Variants in GRIN2A observed in about 807,000 individuals in gnomAD.
GRIN2A encodes glutamate receptor ionotropic, NMDA 2A.
A neutral mutation model predicts 113.4 loss-of-function variants in GRIN2A; 22 were observed. The ratio of observed to expected loss-of-function variants is 0.19; its 90% CI spans 0.14 to 0.28. The LOEUF is 0.28. Ranked by LOEUF, GRIN2A falls within the 10% of genes least tolerant of loss-of-function variation. The pLI, the probability that GRIN2A is intolerant of heterozygous loss-of-function variation, is 1.00. For synonymous variants in GRIN2A, 827 were observed against 738.4 expected, an observed-to-expected ratio of 1.12 and a Z score of -1.94; for missense variants, 1,502 against 1,887.0, an observed-to-expected ratio of 0.80 and a Z score of 3.78.
At chr16:10,140,292 G>A (rs371442750) in intron 2 of GRIN2A, among the ~76,000 whole-genome samples, 2 of 151,896 alleles carry the variant, frequency 1.3e-5, no homozygotes, top group Non-Finnish European at 1.5e-5. Flanking sequence ...ATACCATGAC[G>A]ATAAAAAGCC....
chr16:10,113,715 C>A (rs1039986644), intron 2 of GRIN2A, among the ~76,000 whole-genome samples: 1 of 152,066 alleles, frequency 6.6e-6, no homozygotes, highest in Non-Finnish European at 1.5e-5. Flanking sequence ...TGTATAAATA[C>A]AGATACATAC....
At chr16:10,079,989 A>G (rs2047948435) in intron 2 of GRIN2A, among the ~76,000 whole-genome samples, 1 of 152,236 alleles carries the variant, frequency 6.6e-6, no homozygotes, top group South Asian at 2.1e-4. Context: ...TGCTGCTCTC[A>G]GCGAGCAAAT....
chr16:9,828,209 G>T (rs2042423280), intron 9 of GRIN2A, among the ~76,000 whole-genome samples: 1 of 152,182 alleles, frequency 6.6e-6, no homozygotes, highest in Non-Finnish European at 1.5e-5. Context: ...GGAGCAAGAG[G>T]AAGGAAACGT....
Position 10,180,354 on chromosome 16 carries a change from C to T in GRIN2A, c.58G>A (p.Gly20Ser), listed in dbSNP as rs779149309. Residue 20 changes from glycine to serine, a missense_variant, in exon 2 of 13, where the codon GGT becomes AGT. By Grantham distance (56) the Gly-to-Ser change is moderately conservative. This residue lies in a region of GRIN2A where 149 missense variants were observed against 179.1 expected (regional missense o/e 0.83). Transcript: ENST00000330684. This position sits in a 1 kb window ranked among gnomAD's most constrained non-coding sequence, Gnocchi z 7.0. ...TCCGCCGCCGCGCTCGGCGCCGGAC[C>T]GCGCCAGACCAGAAGGGCCGGCAGC... ...LVLPALLVWR[G>S]PAPSAAAEKG... 3.1e-6 allele frequency: 5 copies of T among 1,608,210 alleles called. No individual in the cohort carries two copies. The highest frequency in any genetic ancestry group is 1.1e-5 in the South Asian group (1 of 91,066).
intron 2 of GRIN2A, among the ~76,000 whole-genome samples, chr16:10,058,079 AC>A (rs1356755094): frequency 1.3e-5 from 2 of 152,120 alleles, no homozygotes; most frequent in Non-Finnish European, 2.9e-5. Flanking sequence ...ACGTGTTGAA[AC>A]CCTGTCTCTA....
intron 2 of GRIN2A, among the ~76,000 whole-genome samples, chr16:9,952,694 G>A (rs185909676): frequency 9.0e-4 from 137 of 152,236 alleles, no homozygotes; most frequent in Admixed American, 1.4e-3. Flanking sequence ...ATGAAGTCAG[G>A]TATATTCTGT....
intron 3 of GRIN2A, among the ~76,000 whole-genome samples, chr16:9,892,544 G>A (rs1248139357): frequency 1.3e-5 from 2 of 152,250 alleles, no homozygotes; most frequent in Admixed American, 6.5e-5. Context: ...AGGCATCAAC[G>A]ATGACTCCTA....
chr16:10,081,269 G>A (rs1306088634), intron 2 of GRIN2A, among the ~76,000 whole-genome samples: 1 of 152,172 alleles, frequency 6.6e-6, no homozygotes, highest in Non-Finnish European at 1.5e-5. Flanking sequence ...TAAGGTGCCT[G>A]GTTAATTCCA....
chr16:9,802,508 T>C (rs1903424999), intron 10 of GRIN2A, among the ~76,000 whole-genome samples: 1 of 152,176 alleles, frequency 6.6e-6, no homozygotes, highest in Non-Finnish European at 1.5e-5. Context: ...GAGATGGCCA[T>C]TGTCTGCAAG....
At chr16:9,921,613 C>A (rs2141583151) in intron 3 of GRIN2A, among the ~76,000 whole-genome samples, 1 of 152,292 alleles carries the variant, frequency 6.6e-6, no homozygotes, top group South Asian at 2.1e-4. Flanking sequence ...CCACCTAGAT[C>A]AGAATAAGTG....
intron 2 of GRIN2A, among the ~76,000 whole-genome samples, chr16:10,129,447 G>A (rs2049017396): frequency 6.6e-6 from 1 of 152,116 alleles, no homozygotes; most frequent in South Asian, 2.1e-4. Context: ...GCTGAGTAAT[G>A]GGCTAATGGC....
chr16:9,990,120 T>G (rs1423211306), intron 2 of GRIN2A, among the ~76,000 whole-genome samples: 1 of 152,048 alleles, frequency 6.6e-6, no homozygotes, highest in Admixed American at 6.5e-5. Context: ...AGCAAAGACA[T>G]AGCATCAACC....
intron 3 of GRIN2A, among the ~76,000 whole-genome samples, chr16:9,905,706 G>A (rs1014295985): frequency 6.6e-6 from 1 of 152,090 alleles, no homozygotes. Flanking sequence ...CCTCCCTTAT[G>A]TATATCAGAA....
intron 2 of GRIN2A, 135 bp downstream of exon 2, chr16:10,179,863 C>G: frequency 2.7e-6 from 2 of 750,032 alleles, no homozygotes; most frequent in South Asian, 3.0e-5. Context: ...TCACCAGGGC[C>G]AGTGGCCACG....
chr16:9,793,436 G>T (rs1051919969), intron 11 of GRIN2A, among the ~76,000 whole-genome samples: 2 of 151,926 alleles, frequency 1.3e-5, no homozygotes, highest in African/African-American at 4.8e-5. Context: ...GGGACTTATG[G>T]GATCCCCTGT....
chr16:10,043,241 A>G (rs2047197328), intron 2 of GRIN2A, among the ~76,000 whole-genome samples: 1 of 152,182 alleles, frequency 6.6e-6, no homozygotes, highest in African/African-American at 2.4e-5. Flanking sequence ...GATGCCGTTA[A>G]GTAACTTTTC....
At chr16:9,851,388 C>T (rs1212302894) in intron 4 of GRIN2A, among the ~76,000 whole-genome samples, 1 of 152,234 alleles carries the variant, frequency 6.6e-6, no homozygotes, top group Non-Finnish European at 1.5e-5. Flanking sequence ...GAATGCTGAG[C>T]GCATCAAATT....
At chr16:10,098,726 A>C (rs1276171443) in intron 2 of GRIN2A, among the ~76,000 whole-genome samples, 1 of 152,250 alleles carries the variant, frequency 6.6e-6, no homozygotes, top group African/African-American at 2.4e-5. Flanking sequence ...CAAACATTGT[A>C]TGTTCTCACT....
At chr16:10,002,747 G>C (rs2046342380) in intron 2 of GRIN2A, among the ~76,000 whole-genome samples, 1 of 152,196 alleles carries the variant, frequency 6.6e-6, no homozygotes, top group Admixed American at 6.5e-5. Context: ...AGCTCTTTCA[G>C]TATTTCAAGA....
Sources: gnomAD v4.1 joint callset for allele counts (sites outside exome capture counted in the v4.1 genomes callset) on GRCh38, gnomAD v4.1.1 for gene constraint, gnomAD v4.1.1 regional missense constraint, Gnocchi (gnomAD v3.1) non-coding constraint, MANE v1.5 for transcripts, NCBI Gene and HGNC (gene_info 2026-07-23, HGNC 2026-07-21) for gene names.